Variants in ITPKB observed in about 807,000 individuals in gnomAD.
ITPKB encodes the protein IP3 3-kinase B.
Under a neutral mutation model 69.4 loss-of-function variants are expected in ITPKB, and 13 were observed. The observed-to-expected ratio is 0.19, with a 90% CI of 0.12 to 0.30. The LOEUF is 0.30. ITPKB is among the 10% of genes least tolerant of loss of function. The probability of loss-of-function intolerance (pLI) is 1.00; values close to 1 mark genes in which losing one functional copy is unlikely to be tolerated. For missense variants in ITPKB, 1,240 were observed against 1,250.5 expected, an observed-to-expected ratio of 0.99 and a Z score of 0.13; for synonymous variants, 584 against 513.7, an observed-to-expected ratio of 1.14 and a Z score of -1.85.
rs564773831 is a variant in ITPKB, at chr1:226,646,344, G to A, written c.2246+823C>T. On this transcript the variant is annotated intron_variant, in intron 4 of 7. Coordinates refer to ENST00000429204, the MANE Select transcript of ITPKB (RefSeq NM_002221.4). ...GCCGTGCTGTGGATGACTCAGGGTG[G>A]AAGGGCAGCAGTTTGAGAGGTAATG... Among the ~76,000 whole-genome samples, 17 of 152,320 alleles carry A rather than the reference G, an allele frequency of 1.1e-4. No homozygotes were observed. The South Asian group carries it at 2.9e-3, about 26-fold the overall frequency.
chr1:226,643,348 A>C (rs1207144836), intron 4 of ITPKB, among the ~76,000 whole-genome samples: 4 of 152,072 alleles, frequency 2.6e-5, no homozygotes, highest in Non-Finnish European at 5.9e-5. Flanking sequence ...TTAGAGCCCC[A>C]GTCTCCCTAC....
intron 2 of ITPKB, among the ~76,000 whole-genome samples, chr1:226,705,354 A>G (rs1656774534): frequency 6.6e-6 from 1 of 151,996 alleles, no homozygotes. Flanking sequence ...ACATGGAGAA[A>G]CCTCATCTCT....
At chr1:226,659,996 C>T (rs183901121) in intron 2 of ITPKB, among the ~76,000 whole-genome samples, 2 of 152,332 alleles carry the variant, frequency 1.3e-5, no homozygotes, top group East Asian at 3.9e-4. Context: ...TGTTCACCTG[C>T]TCACACCTGG....
intron 2 of ITPKB, among the ~76,000 whole-genome samples, chr1:226,697,145 T>C (rs1321242742): frequency 3.3e-5 from 5 of 152,236 alleles, no homozygotes; most frequent in African/African-American, 1.2e-4. Context: ...AACTAAATGT[T>C]GGTGGGTCCA....
chr1:226,714,112 C>T (rs964738916), intron 2 of ITPKB, among the ~76,000 whole-genome samples: 2 of 152,194 alleles, frequency 1.3e-5, no homozygotes, highest in Admixed American at 1.3e-4. Flanking sequence ...GAGTGCTGTC[C>T]CCAAATATTT....
intron 2 of ITPKB, among the ~76,000 whole-genome samples, chr1:226,695,239 GTAAATAAA>G (rs896585716): frequency 6.6e-6 from 1 of 151,834 alleles, no homozygotes; most frequent in Non-Finnish European, 1.5e-5. Context: ...CAATAAATAA[GTAAATAAA>G]TAAATAAATA....
At chr1:226,684,730 G>T (rs956331172) in intron 2 of ITPKB, among the ~76,000 whole-genome samples, 1 of 152,138 alleles carries the variant, frequency 6.6e-6, no homozygotes, top group Non-Finnish European at 1.5e-5. Context: ...CATTTGCTCT[G>T]CATGGAGACT....
intron 5 of ITPKB, among the ~76,000 whole-genome samples, chr1:226,640,049 G>A (rs559175140): frequency 9.2e-5 from 14 of 152,274 alleles, no homozygotes; most frequent in Admixed American, 7.8e-4. Flanking sequence ...CCCTGGAACC[G>A]GTGCCCGGAG....
At chr1:226,737,799 G>C (rs1227143581) in intron 1 of ITPKB, 136 bp from the exon 2 acceptor site, 1 of 172,934 alleles carries the variant, frequency 5.8e-6, no homozygotes, top group African/African-American at 2.4e-5. Flanking sequence ...CTCACCTATG[G>C]GGACGGCGAG....
chr1:226,683,981 T>C (rs566042000), intron 2 of ITPKB, among the ~76,000 whole-genome samples: 1 of 152,164 alleles, frequency 6.6e-6, no homozygotes, highest in Non-Finnish European at 1.5e-5. Context: ...GGTATGGATA[T>C]CCTGCTAATT....
chr1:226,715,342 A>G (rs1657068979), intron 2 of ITPKB, among the ~76,000 whole-genome samples: 1 of 152,230 alleles, frequency 6.6e-6, no homozygotes, highest in Non-Finnish European at 1.5e-5. Flanking sequence ...CACCAAAAAG[A>G]CAAGGCCTGT....
intron 2 of ITPKB, among the ~76,000 whole-genome samples, chr1:226,665,519 C>G (rs1669479558): frequency 6.6e-6 from 1 of 152,184 alleles, no homozygotes; most frequent in South Asian, 2.1e-4. Flanking sequence ...AGATGTGGCC[C>G]TTCGGGTCTG....
chr1:226,649,017 C>T (rs1478998241), intron 2 of ITPKB, among the ~76,000 whole-genome samples: 4 of 152,190 alleles, frequency 2.6e-5, no homozygotes, highest in Non-Finnish European at 4.4e-5. Context: ...GCAACGACCC[C>T]TCCAAGGAAG....
intron 2 of ITPKB, among the ~76,000 whole-genome samples, chr1:226,680,242 CTGGGGCGGGGA>C (rs1467888801): frequency 6.6e-6 from 1 of 152,134 alleles, no homozygotes; most frequent in South Asian, 2.1e-4. Context: ...GACGTGACTG[CTGGGGCGGGGA>C]TGGGGCGGGG....
In ITPKB at chr1:226,649,863, A is replaced by AC. The variant is rs1553317106; in HGVS notation, c.1933-1093dup. Among the ~76,000 whole-genome samples, 1,367 of 150,524 alleles carry AC rather than the reference A, an allele frequency of 9.1e-3. 22 individuals are homozygous for AC. The highest frequency in any genetic ancestry group is 0.031 in the African/African-American group (1,293 of 41,390). On this transcript the variant is annotated intron_variant, in intron 2 of 7. Coordinates refer to ENST00000429204, the MANE Select transcript of ITPKB (RefSeq NM_002221.4). ...AACAAAACAAAAAAACAAAAAAAAA[A>AC]CATATTTTTAGAAAAAATATCCTTA...
intron 2 of ITPKB, among the ~76,000 whole-genome samples, chr1:226,678,312 C>T (rs1374157475): frequency 6.6e-6 from 1 of 152,220 alleles, no homozygotes; most frequent in African/African-American, 2.4e-5. Flanking sequence ...AACTGGCTGC[C>T]ATGCAAACTT....
Position 226,634,645 on chromosome 1 carries a change from C to T in ITPKB, c.*26G>A, listed in dbSNP as rs1222263427. The T allele has an allele frequency of 3.9e-6, 3 of 768,318 alleles. No individual in the cohort carries two copies. The highest frequency in any genetic ancestry group is 1.7e-5 in the African/African-American group (1 of 59,038). 47.6% of individuals were successfully genotyped at this position (768,318 alleles called of 1,614,324 possible). A position where few individuals can be genotyped will look rare whatever the true frequency, so the allele number is the denominator to read the frequency against. ...ACAGGAGGAGGAAAGGAGGCCCAGGCGGGGGCCAGGGAGGGCGTGGGCAGC... is the reference window on the plus strand; with the variant it reads ...ACAGGAGGAGGAAAGGAGGCCCAGGTGGGGGCCAGGGAGGGCGTGGGCAGC... On this transcript the variant is annotated 3_prime_UTR_variant, in exon 8 of 8. Coordinates refer to ENST00000429204, the MANE Select transcript of ITPKB (RefSeq NM_002221.4). The surrounding 1 kb of genome is among the most constrained non-coding windows in gnomAD (Gnocchi z 6.3).
chr1:226,724,965 C>G (rs2102646153), intron 2 of ITPKB, among the ~76,000 whole-genome samples: 1 of 152,352 alleles, frequency 6.6e-6, no homozygotes, highest in Non-Finnish European at 1.5e-5. Context: ...TCTACCACTT[C>G]TAACAGAGGG....
intron 2 of ITPKB, among the ~76,000 whole-genome samples, chr1:226,704,316 G>T (rs1656751545): frequency 6.6e-6 from 1 of 152,068 alleles, no homozygotes. Context: ...AATTATACAT[G>T]ACCAATAAAG....
Sources: gnomAD v4.1 joint callset for allele counts (sites outside exome capture counted in the v4.1 genomes callset) on GRCh38, gnomAD v4.1.1 for gene constraint, Gnocchi (gnomAD v3.1) non-coding constraint, MANE v1.5 for transcripts, NCBI Gene and HGNC (gene_info 2026-07-23, HGNC 2026-07-21) for gene names.